The following BAZ2A variants were observed in gnomAD, a reference collection of about 807,000 sequenced individuals.
BAZ2A encodes bromodomain adjacent to zinc finger domain 2A.
A neutral mutation model predicts 199.9 loss-of-function variants in BAZ2A; 34 were observed. The observed-to-expected ratio is 0.17, with a 90% CI of 0.13 to 0.23. The LOEUF is 0.23. BAZ2A is among the 10% of genes least tolerant of loss of function. The pLI, the probability that BAZ2A is intolerant of heterozygous loss-of-function variation, is 1.00. For missense variants in BAZ2A, 2,002 were observed against 2,391.1 expected (o/e 0.84, Z 3.39); for synonymous variants, 857 against 883.9 (o/e 0.97, Z 0.54).
rs370398265 is a variant in BAZ2A at position 56,600,542 on chromosome 12, C to A, written c.4603-52G>T. On this transcript the variant is annotated intron_variant, in intron 23 of 28. Transcript: ENST00000549884. ...TCACTGTAAAAGGAGGAAAATTTGG[C>A]ATAGGAAAAAAAAAAACAAAAACAA... 6 of 1,567,928 alleles carry A rather than the reference C, an allele frequency of 3.8e-6. No homozygotes were observed. In the Admixed American group the frequency reaches 5.8e-5, roughly 15 times the overall value.
At position 56,615,343 on chromosome 12, in the gene BAZ2A, G is replaced by T. The variant is rs776961808; in HGVS notation, c.401C>A (p.Pro134Gln). Residue 134 changes from proline (P) to glutamine (Q), a missense_variant, in exon 3 of 29, where the codon CCA (proline) becomes CAA (glutamine). Around this residue, in one of 6 missense-constraint regions of BAZ2A, gnomAD observed 641 missense variants for 694.5 expected, o/e 0.92. Transcript: ENST00000549884. Reference sequence around the variant, plus strand: ...AGCCCGAAGGTTAGTGTTATGACTTGGGGATGAAGGTTGCCGGCTGCCCCC... The same window carrying T: ...AGCCCGAAGGTTAGTGTTATGACTTTGGGATGAAGGTTGCCGGCTGCCCCC... ...ILGGSRQPSS[P>Q]SHNTNLRAGS... The T allele has an allele frequency of 6.2e-7, 1 of 1,613,816 alleles. No homozygotes were observed. The highest frequency in any genetic ancestry group is 1.1e-5 in the South Asian group (1 of 91,068).
intron 10 of BAZ2A, among the ~76,000 whole-genome samples, chr12:56,608,258 G>C (rs1950430699): frequency 6.6e-6 from 1 of 151,808 alleles, no homozygotes; most frequent in South Asian, 2.1e-4. Flanking sequence ...TGTAGTCCCA[G>C]CTACTCGGGA....
chr12:56,627,150 C>T (rs895038830), intron 1 of BAZ2A, among the ~76,000 whole-genome samples: 5 of 152,218 alleles, frequency 3.3e-5, no homozygotes, highest in Non-Finnish European at 7.3e-5. Context: ...ATTTAAATGA[C>T]AGGCTTACGT....
chr12:56,606,063 C>G lies in BAZ2A; in HGVS notation c.2260G>C (p.Ala754Pro). The G allele has an allele frequency of 2.4e-5, 37 of 1,551,552 alleles. No individual in the cohort carries two copies. The highest frequency in any genetic ancestry group is 3.2e-5 in the Non-Finnish European group (37 of 1,147,048). ...KQKEAKKKSKAEKEKGKTKQE... is the reference protein window; with the variant it reads ...KQKEAKKKSKPEKEKGKTKQE... The stretch of plus-strand genomic sequence containing the variant: ...TTTGTCTTTCCTTTTTCTTTCTCAG[C>G]CTACCCAAGGAAGAGAGGAACCAAG... The change falls in exon 13 of 29, where the codon GCT (alanine) becomes CCT (proline). Residue 754 changes from alanine to proline, a missense_variant and splice_region_variant. By Grantham distance (27) the Ala-to-Pro change is conservative. This residue lies in a region of BAZ2A where 1,081 missense variants were observed against 1,274.7 expected (regional missense o/e 0.85). Transcript: ENST00000549884.
rs1023520689 is a variant in BAZ2A, at chr12:56,612,265, G to A, written c.1136-19C>T. 4 of 1,581,084 alleles carry A rather than the reference G, an allele frequency of 2.5e-6. No homozygotes were observed. Among genetic ancestry groups the A allele is most frequent in the Middle Eastern group, 1.8e-4 (1 of 5,676 alleles). On this transcript the variant is annotated intron_variant, in intron 5 of 28. Transcript: ENST00000549884. The stretch of plus-strand genomic sequence containing the variant: ...CTGTTATCTAGAATCCAAAGGGACA[G>A]GATAGGCTTTAAAAAAAAAAAAGGC...
upstream of BAZ2A, among the ~76,000 whole-genome samples, chr12:56,637,770 CAAA>C (rs537402652): frequency 1.6e-5 from 2 of 123,210 alleles, no homozygotes. Flanking sequence ...GAATAGAGGC[CAAA>C]AAAAAAAAAA....
chr12:56,637,304 CT>C (rs1951471132), upstream of BAZ2A, among the ~76,000 whole-genome samples: 1 of 152,206 alleles, frequency 6.6e-6, no homozygotes. Context: ...TCTTCTACCC[CT>C]GCACCTCTCA....
Position 56,630,145 on chromosome 12 carries a change from C to CGGGCTCG in BAZ2A, c.-30_-24dup. On this transcript the variant is annotated 5_prime_UTR_variant, in exon 1 of 29. Coordinates refer to ENST00000549884, the MANE Select transcript of BAZ2A (RefSeq NM_001300905.2). ...CAAACCTGAGGCAGCGGCGTCCAGC[C>CGGGCTCG]GGGCTCGGGGCTCGTCTCTCCCCGG... The CGGGCTCG allele has an allele frequency of 1.0e-6, 1 of 985,572 alleles. No individual in the cohort carries two copies. The highest frequency in any genetic ancestry group is 1.2e-6 in the Non-Finnish European group (1 of 830,008). 61.1% of individuals were successfully genotyped at this position (985,572 alleles called of 1,614,324 possible).
At chr12:56,610,364 T>C (rs1950521196) in intron 8 of BAZ2A, 45 bp downstream of exon 8, 1 of 1,597,322 alleles carries the variant, frequency 6.3e-7, no homozygotes, top group Non-Finnish European at 8.6e-7. Flanking sequence ...TGGAAAGGAG[T>C]CCACTGAGCC....
rs917478203 is a variant in BAZ2A at position 56,635,830 on chromosome 12, G to A, written c.4+352C>T. 6.6e-6 allele frequency among the ~76,000 whole-genome samples: 1 copy of A among 152,172 alleles called. No homozygotes were observed. Among genetic ancestry groups the A allele is most frequent in the African/African-American group, 2.4e-5 (1 of 41,436 alleles). On this transcript the variant is annotated intron_variant, in intron 1 of 29. Coordinates refer to the BAZ2A transcript ENST00000379441. The surrounding 1 kb of genome is among the most constrained non-coding windows in gnomAD (Gnocchi z 4.1). ...AGACCTTCCAGCACTGCCAAAAGCC[G>A]GCTTTACTTTTGTGGGGGCTAGCAG...
chr12:56,602,718 T>C lies in BAZ2A; in HGVS notation c.3419A>G (p.Asn1140Ser). ...AGIFVEGTEG[N>S]LVPEEVIKKE... is the part of the protein sequence containing the mutation. ...ACTCCCACAGGCACACCTACCTAAG[T>C]TCCCCTCTGTTCCTTCTACAAAGAT... Residue 1140 changes from asparagine to serine, a missense_variant, in exon 19 of 29, where the codon AAC becomes AGC. Physicochemically the swap from Asn to Ser is conservative, Grantham distance 46 (BLOSUM62 1). Coordinates refer to ENST00000549884, the MANE Select transcript of BAZ2A (RefSeq NM_001300905.2). 6.2e-7 allele frequency: 1 copy of C among 1,613,020 alleles called. No homozygotes were observed. The highest frequency in any genetic ancestry group is 8.5e-7 in the Non-Finnish European group (1 of 1,179,056).
At chr12:56,637,924 T>A (rs927128081), upstream of BAZ2A, among the ~76,000 whole-genome samples, 4 of 152,186 alleles carry the variant, frequency 2.6e-5, no homozygotes, top group African/African-American at 9.7e-5. Context: ...CAAACATACA[T>A]GGCCCACTTC....
chr12:56,618,826 C>A (rs1255328225), intron 1 of BAZ2A, among the ~76,000 whole-genome samples: 1 of 151,592 alleles, frequency 6.6e-6, no homozygotes, highest in African/African-American at 2.4e-5. Context: ...GCTGAAATTG[C>A]GCCATTGCAC....
In BAZ2A at chr12:56,608,867, C is replaced by CTTT. The variant is rs67765071; in HGVS notation, c.2092+866_2092+868dup. Among the ~76,000 whole-genome samples the CTTT allele has an allele frequency of 4.3e-3, 299 of 69,868 alleles. 3 individuals carry two copies. The highest frequency in any genetic ancestry group is 6.6e-3 in the African/African-American group (83 of 12,652). The allele number at this position is 69,868 out of a possible 152,430, so 45.8% of individuals were successfully genotyped here. A position where few individuals can be genotyped will look rare whatever the true frequency, so the allele number is the denominator to read the frequency against. On this transcript the variant is annotated intron_variant, in intron 10 of 28. Transcript: ENST00000549884. ...TACAGGCGTGAGCCACCGTGCCTGG[C>CTTT]TTTTTTTTTTTTTTTTTTTTTTTTT...
At chr12:56,603,462 A>T (rs1268396485) in intron 17 of BAZ2A, 44 bp from the exon 18 acceptor site, 4 of 1,613,780 alleles carry the variant, frequency 2.5e-6, no homozygotes, top group Non-Finnish European at 3.4e-6. Flanking sequence ...AGGTTATCAG[A>T]TTCAAGAAAG....
intron 2 of BAZ2A, among the ~76,000 whole-genome samples, chr12:56,616,103 C>T (rs141975381): frequency 1.3e-3 from 201 of 152,194 alleles, no homozygotes; most frequent in African/African-American, 4.3e-3. Flanking sequence ...GGGGTTTTAC[C>T]GTGTTGGCCA....
intron 22 of BAZ2A, 21 bp from the exon 23 acceptor site, chr12:56,600,853 G>A: frequency 6.2e-7 from 1 of 1,612,708 alleles, no homozygotes; most frequent in Non-Finnish European, 8.5e-7. Flanking sequence ...AGGTGGCAGA[G>A]GGAGAGGCCC....
chr12:56,612,318 G>C (rs1950583667), intron 5 of BAZ2A, 72 bp from the exon 6 acceptor site: 1 of 1,350,648 alleles, frequency 7.4e-7, no homozygotes, highest in African/African-American at 1.5e-5. Flanking sequence ...AATCTACTCA[G>C]TCAACCCTGG....
At chr12:56,620,468 T>A (rs1237744326) in intron 1 of BAZ2A, among the ~76,000 whole-genome samples, 1 of 151,882 alleles carries the variant, frequency 6.6e-6, no homozygotes, top group Non-Finnish European at 1.5e-5. Flanking sequence ...GCCACTGCAT[T>A]CCAGCCTGGG....
Sources: allele counts gnomAD v4.1 joint callset (sites outside exome capture counted in the v4.1 genomes callset), GRCh38; gene constraint gnomAD v4.1.1; regional missense constraint gnomAD v4.1.1; non-coding constraint Gnocchi (gnomAD v3.1); transcripts MANE v1.5; gene names NCBI Gene and HGNC (gene_info 2026-07-23, HGNC 2026-07-21).